FGB: variants seen among roughly 807,000 people sequenced by gnomAD.
FGB encodes the protein beta-fibrinogen.
In FGB, 25 loss-of-function variants were observed where a neutral mutation model predicts 57.9. That is an observed-to-expected ratio of 0.43 (90% CI 0.31 to 0.60). The LOEUF (loss-of-function observed/expected upper bound fraction) is 0.60, where lower values mean the gene tolerates loss of function less well. Ranked by LOEUF, FGB falls within the 20% of genes least tolerant of loss-of-function variation. The pLI, the probability that FGB is intolerant of heterozygous loss-of-function variation, is 0.08. For synonymous variants in FGB, 203 were observed against 199.2 expected (o/e 1.02, Z -0.16); for missense variants, 536 against 598.4 (o/e 0.90, Z 1.09).
At chr4:154,567,528 A>T in intron 3 of FGB, 65 bp from the exon 4 acceptor site, 1 of 951,626 alleles carries the variant, frequency 1.1e-6, no homozygotes, top group Non-Finnish European at 1.7e-6. Flanking sequence ...AAAATTGTAT[A>T]GTTAAATACA....
rs756271964 is a variant in FGB at position 154,569,665 on chromosome 4, C to T, written c.1110C>T (p.Ile370=). Residue 370 remains isoleucine, a synonymous_variant, in exon 7 of 8, where the codon ATC becomes ATT. Transcript: ENST00000302068. ...AGAATGAAGCCAACAAATACCAGAT[C>T]TCAGTGAACAAATACAGAGGAACAG... ...TVQNEANKYQ[I]SVNKYRGTAG... 2.5e-6 allele frequency: 4 copies of T among 1,614,116 alleles called. No individual in the cohort carries two copies. Among genetic ancestry groups the T allele is most frequent in the Non-Finnish European group, 3.4e-6 (4 of 1,180,014 alleles).
intron 4 of FGB, 168 bp downstream of exon 4, chr4:154,567,988 C>A (rs1019781276): frequency 1.5e-6 from 1 of 687,736 alleles, no homozygotes; most frequent in East Asian, 2.7e-5. Flanking sequence ...TTGGACTGGC[C>A]TGGTGCATTT....
rs541892955 is a variant in FGB, at chr4:154,567,541, A to C, written c.491-52A>C. 4 of 1,073,046 alleles carry C rather than the reference A, an allele frequency of 3.7e-6. No homozygotes were observed. In the Admixed American group the frequency reaches 5.1e-5, roughly 14 times the overall value. The allele number at this position is 1,073,046 out of a possible 1,614,324, so 66.5% of individuals were successfully genotyped here. ...TCAAAATTGTATAGTTAAATACATTAGTTTTATGAGGCAAAAATGCTAACT... is the reference window on the plus strand; with the variant it reads ...TCAAAATTGTATAGTTAAATACATTCGTTTTATGAGGCAAAAATGCTAACT... On this transcript the variant is annotated intron_variant, in intron 3 of 7. Transcript: ENST00000302068.
chr4:154,563,359 G>A lies in FGB; in HGVS notation c.114+227G>A, dbSNP rs2227395. ...TATCACCTTTGTTTTCTTAAGATGA[G>A]GATGGCTTAGCTAATGTAAGATGTG... On this transcript the variant is annotated intron_variant, in intron 1 of 7. Transcript: ENST00000302068. Among the ~76,000 whole-genome samples, 25,518 of 151,702 alleles carry A rather than the reference G, an allele frequency of 0.17. 2,343 individuals are homozygous for A. Among genetic ancestry groups the A allele is most frequent in the Middle Eastern group, 0.24 (69 of 292 alleles).
At position 154,566,494 on chromosome 4, in the gene FGB, G is replaced by A. The variant is rs761544987; in HGVS notation, c.312G>A (p.Val104=). ...GCLHADPDLG[V]LCPTGCQLQE... is the part of the protein sequence containing the mutation. ...GCTATTTTCTTTGTTTTTAGGGGGT[G>A]TTGTGTCCTACAGGATGTCAGTTGC... The change falls in exon 3 of 8, where the codon GTG becomes GTA. Residue 104 remains valine, a synonymous_variant. Coordinates refer to ENST00000302068, the MANE Select transcript of FGB (RefSeq NM_005141.5). 1 of 1,614,102 alleles carries A rather than the reference G, an allele frequency of 6.2e-7. No individual in the cohort carries two copies.
At chr4:154,565,044 T>C (rs888183603) in intron 1 of FGB, 1 of 202,112 alleles carries the variant, frequency 4.9e-6, no homozygotes, top group South Asian at 8.3e-5. Flanking sequence ...GTAGTACTTG[T>C]TATGTGTGAT....
Position 154,569,614 on chromosome 4 carries a change from G to A in FGB, c.1059G>A (p.Lys353=). 1 of 1,614,140 alleles carries A rather than the reference G, an allele frequency of 6.2e-7. No individual in the cohort carries two copies. Residue 353 remains lysine, a synonymous_variant, in exon 7 of 8, where the codon AAG becomes AAA. Transcript: ENST00000302068. Reference sequence around the variant, plus strand: ...AGGACTGGAAAGGAGACAAAGTAAAGGCTCACTATGGAGGATTCACTGTAC... The same window carrying A: ...AGGACTGGAAAGGAGACAAAGTAAAAGCTCACTATGGAGGATTCACTGTAC... The part of the protein sequence containing the change: ...EMEDWKGDKV[K]AHYGGFTVQN...
intron 4 of FGB, 128 bp from the exon 5 acceptor site, chr4:154,568,253 T>G: frequency 2.9e-6 from 2 of 693,438 alleles, no homozygotes; most frequent in South Asian, 3.1e-5. Flanking sequence ...ATTTGTTATA[T>G]TATTTTCAAA....
intron 1 of FGB, 88 bp from the exon 2 acceptor site, chr4:154,565,720 C>A (rs1730126152): frequency 3.7e-6 from 5 of 1,336,516 alleles, no homozygotes; most frequent in Non-Finnish European, 4.2e-6. Flanking sequence ...CTTGTGATAA[C>A]CTAAATTATA....
rs550948140 is a variant in FGB, at chr4:154,565,491, T to C, written c.115-317T>C. 1.9e-3 allele frequency: 659 copies of C among 350,692 alleles called. 3 individuals carry two copies. Among genetic ancestry groups the C allele is most frequent in the South Asian group, 3.6e-3 (130 of 35,620 alleles). 21.7% of individuals were successfully genotyped at this position (350,692 alleles called of 1,614,324 possible). ...TATTCATTCTTCTTGACAGTATAGA[T>C]TCTTTACAATTTCGTAAGTTCCAAT... On this transcript the variant is annotated intron_variant, in intron 1 of 7. Coordinates refer to ENST00000302068, the MANE Select transcript of FGB (RefSeq NM_005141.5).
Position 154,563,021 on chromosome 4 carries a change from G to GA in FGB, c.7dup (p.Arg3LysfsTer11). Reference sequence around the variant, plus strand: ...GAAGATCTCTCAGTTAAGTCTACATGAAAAGGATGGTTTCTTGGAGCTTCC... The same window carrying GA: ...GAAGATCTCTCAGTTAAGTCTACATGAAAAAGGATGGTTTCTTGGAGCTTCC... On this transcript the variant is annotated frameshift_variant, in exon 1 of 8. Coordinates refer to ENST00000302068, the MANE Select transcript of FGB (RefSeq NM_005141.5). LOFTEE classifies it high-confidence loss of function. 1 of 1,497,128 alleles carries GA rather than the reference G, an allele frequency of 6.7e-7. No homozygotes were observed. The highest frequency in any genetic ancestry group is 9.2e-7 in the Non-Finnish European group (1 of 1,092,108). The allele number at this position is 1,497,128 out of a possible 1,614,324, so 92.7% of individuals were successfully genotyped here.
At chr4:154,566,063 C>A in intron 2 of FGB, 64 bp downstream of exon 2, 1 of 1,413,204 alleles carries the variant, frequency 7.1e-7, no homozygotes, top group Non-Finnish European at 9.9e-7. Flanking sequence ...GTAGTCATGG[C>A]AGTCTGCTAA....
At position 154,569,170 on chromosome 4, in the gene FGB, T is replaced by C. The variant is rs1356341452; in HGVS notation, c.833-12T>C. 1 of 1,614,140 alleles carries C rather than the reference T, an allele frequency of 6.2e-7. No individual in the cohort carries two copies. The highest frequency in any genetic ancestry group is 1.7e-5 in the Admixed American group (1 of 60,020). Reference sequence around the variant, plus strand: ...GGTTAATATATGCTCTTTTTGTTTCTGTCAACCAAAGGATGGACAGTGATT... The same window carrying C: ...GGTTAATATATGCTCTTTTTGTTTCCGTCAACCAAAGGATGGACAGTGATT... On this transcript the variant is annotated splice_polypyrimidine_tract_variant and intron_variant, in intron 5 of 7. Coordinates refer to ENST00000302068, the MANE Select transcript of FGB (RefSeq NM_005141.5).
chr4:154,567,464 T>A (rs1053716759), intron 3 of FGB, 129 bp from the exon 4 acceptor site: 28 of 676,636 alleles, frequency 4.1e-5, no homozygotes, highest in South Asian at 3.8e-4. Context: ...TATGACTATA[T>A]ATCATAACTG....
intron 1 of FGB, among the ~76,000 whole-genome samples, chr4:154,563,407 G>GC: frequency 6.6e-6 from 1 of 151,918 alleles, no homozygotes; most frequent in South Asian, 2.1e-4. Context: ...GCTATTCTGA[G>GC]TACTGTGATT....
At position 154,566,007 on chromosome 4, in the gene FGB, C is replaced by T; in HGVS notation, c.306+8C>T. The stretch of plus-strand genomic sequence containing the variant: ...CACGCTGACCCAGACCTGGTGGGTG[C>T]ACTGATGTTTCTTGCAGTGGTGGCT... On this transcript the variant is annotated splice_region_variant and intron_variant, in intron 2 of 7. Coordinates refer to ENST00000302068, the MANE Select transcript of FGB (RefSeq NM_005141.5). The T allele has an allele frequency of 1.9e-6, 3 of 1,611,850 alleles. No individual in the cohort carries two copies. Among genetic ancestry groups the T allele is most frequent in the Non-Finnish European group, 2.5e-6 (3 of 1,179,322 alleles).
intron 5 of FGB, 40 bp from the exon 6 acceptor site, chr4:154,569,142 G>T: frequency 1.9e-6 from 3 of 1,610,880 alleles, no homozygotes; most frequent in Non-Finnish European, 2.5e-6. Flanking sequence ...ATTATTTGCT[G>T]TTGGTTAATA....
At chr4:154,566,694 A>G (rs1329676305) in intron 3 of FGB, 22 bp downstream of exon 3, 1 of 1,611,798 alleles carries the variant, frequency 6.2e-7, no homozygotes, top group South Asian at 1.1e-5. Context: ...TGTGCTTTCC[A>G]TTCGATTTTC....
In FGB at chr4:154,568,371, A is replaced by G; in HGVS notation, c.719-10A>G. ...AAACCCCTGAACATAATGTTGTCTT[A>G]CATTTGCAGAATGTGAGGAAATTAT... On this transcript the variant is annotated splice_polypyrimidine_tract_variant and intron_variant, in intron 4 of 7. Coordinates refer to ENST00000302068, the MANE Select transcript of FGB (RefSeq NM_005141.5). The G allele has an allele frequency of 7.2e-7, 1 of 1,391,174 alleles. No individual in the cohort carries two copies. Among genetic ancestry groups the G allele is most frequent in the Non-Finnish European group, 1.0e-6 (1 of 976,436 alleles). 86.2% of individuals were successfully genotyped at this position (1,391,174 alleles called of 1,614,324 possible). A position where few individuals can be genotyped will look rare whatever the true frequency, so the allele number is the denominator to read the frequency against.
Sources: gnomAD v4.1 joint callset for allele counts (sites outside exome capture counted in the v4.1 genomes callset) on GRCh38, gnomAD v4.1.1 for gene constraint, MANE v1.5 for transcripts, NCBI Gene and HGNC (gene_info 2026-07-23, HGNC 2026-07-21) for gene names.